The following PAFAH1B2 variants were observed in gnomAD, a reference collection of about 807,000 sequenced individuals.
PAFAH1B2 encodes the protein platelet activating factor acetylhydrolase 1b catalytic subunit 2.
PAFAH1B2 carries 8 observed loss-of-function variants against 28.0 expected under a neutral mutation model. The ratio of observed to expected loss-of-function variants is 0.29; its 90% CI spans 0.17 to 0.52. PAFAH1B2 has a LOEUF of 0.52. PAFAH1B2 is among the 20% of genes least tolerant of loss of function. The probability of loss-of-function intolerance (pLI) is 0.97; values close to 1 mark genes in which losing one functional copy is unlikely to be tolerated. For synonymous variants in PAFAH1B2, 104 were observed against 103.2 expected, an observed-to-expected ratio of 1.01 and a Z score of -0.05; for missense variants, 190 against 282.6, an observed-to-expected ratio of 0.67 and a Z score of 2.35.
At chr11:117,177,411 C>G (rs80296947), downstream of PAFAH1B2, among the ~76,000 whole-genome samples, 48 of 152,250 alleles carry the variant, frequency 3.2e-4, no homozygotes, top group East Asian at 9.1e-3. Flanking sequence ...TCAAAGATAA[C>G]TACTGCTAAA....
chr11:117,158,275 C>T (rs890600456), intron 2 of PAFAH1B2, among the ~76,000 whole-genome samples: 1 of 152,104 alleles, frequency 6.6e-6, no homozygotes, highest in African/African-American at 2.4e-5. Context: ...TGCCTGGGCT[C>T]AAGCTATCCT....
chr11:117,163,117 A>G (rs1404800027), intron 4 of PAFAH1B2, among the ~76,000 whole-genome samples: 1 of 152,168 alleles, frequency 6.6e-6, no homozygotes, highest in Non-Finnish European at 1.5e-5. Context: ...TACCACTTAA[A>G]TATTATTCCC....
At chr11:117,175,815 C>A, downstream of PAFAH1B2, 1 of 1,277,500 alleles carries the variant, frequency 7.8e-7, no homozygotes, top group Admixed American at 2.1e-5. Flanking sequence ...GCCTGTAATC[C>A]AGCTACTCGA....
chr11:117,176,329 A>G, exon 6 of PAFAH1B2: 1 of 294,200 alleles, frequency 3.4e-6, no homozygotes, highest in Non-Finnish European at 6.3e-6. Flanking sequence ...CCATTTGCCC[A>G]GCATAACTAC....
At chr11:117,153,941 T>A (rs74947929) in intron 2 of PAFAH1B2, among the ~76,000 whole-genome samples, 3 of 150,800 alleles carry the variant, frequency 2.0e-5, no homozygotes, top group East Asian at 3.9e-4. Flanking sequence ...TTTTTTTTTT[T>A]AAGACAGGGC....
chr11:117,165,341 C>T (rs1388182142), intron 5 of PAFAH1B2, among the ~76,000 whole-genome samples: 6 of 95,138 alleles, frequency 6.3e-5, no homozygotes. Context: ...CAGAGCAAAA[C>T]TCGGTCTCAA....
intron 1 of PAFAH1B2, among the ~76,000 whole-genome samples, chr11:117,149,527 C>T (rs1274872626): frequency 3.4e-5 from 5 of 146,096 alleles, no homozygotes; most frequent in African/African-American, 1.3e-4. Context: ...CCCAGGTTCA[C>T]GCCATTCTCC....
In PAFAH1B2 at chr11:117,170,308, C is replaced by G; in HGVS notation, c.*2609C>G. 1 of 1,061,620 alleles carries G rather than the reference C, an allele frequency of 9.4e-7. No individual in the cohort carries two copies. Among genetic ancestry groups the G allele is most frequent in the East Asian group, 5.1e-5 (1 of 19,798 alleles). 65.8% of individuals were successfully genotyped at this position (1,061,620 alleles called of 1,614,324 possible). On this transcript the variant is annotated 3_prime_UTR_variant, in exon 6 of 6. Coordinates refer to ENST00000527958, the MANE Select transcript of PAFAH1B2 (RefSeq NM_002572.4). ...CAGCTAGCAGAGATACTATTCTCTT[C>G]CTCTCCCAGCAAATTTGTATTCCTT...
Position 117,168,117 on chromosome 11 carries a change from T to A in PAFAH1B2, c.*418T>A, listed in dbSNP as rs1410222316. On this transcript the variant is annotated 3_prime_UTR_variant, in exon 6 of 6. Coordinates refer to ENST00000527958, the MANE Select transcript of PAFAH1B2 (RefSeq NM_002572.4). ...TGGCTTTAAAACATGTTTTCTCCAA[T>A]TTTTTTAAGGTTCATAATTTAGCCT... The A allele has an allele frequency of 2.8e-6, 3 of 1,052,742 alleles. No homozygotes were observed. The highest frequency in any genetic ancestry group is 5.3e-5 in the East Asian group (1 of 19,008). 65.2% of individuals were successfully genotyped at this position (1,052,742 alleles called of 1,614,324 possible).
chr11:117,168,787 GTTGTTTT>G lies in PAFAH1B2; in HGVS notation c.*1096_*1102del. ...ATATTTTATTTTTTTTATTGGCTTA[GTTGTTTT>G]TTGTTTTGTTTTGTTTGAGATGGAG... On this transcript the variant is annotated 3_prime_UTR_variant, in exon 6 of 6. Coordinates refer to ENST00000527958, the MANE Select transcript of PAFAH1B2 (RefSeq NM_002572.4). 3 of 984,518 alleles carry G rather than the reference GTTGTTTT, an allele frequency of 3.0e-6. No individual in the cohort carries two copies. Among genetic ancestry groups the G allele is most frequent in the Non-Finnish European group, 3.7e-6 (3 of 812,526 alleles). The allele number at this position is 984,518 out of a possible 1,614,324, so 61.0% of individuals were successfully genotyped here.
chr11:117,168,055 T>G lies in PAFAH1B2; in HGVS notation c.*356T>G, dbSNP rs1051028365. The G allele has an allele frequency of 1.9e-6, 2 of 1,062,274 alleles. No homozygotes were observed. The highest frequency in any genetic ancestry group is 3.3e-5 in the African/African-American group (2 of 60,988). 65.8% of individuals were successfully genotyped at this position (1,062,274 alleles called of 1,614,324 possible). ...ATTCTTTTCTTGGCCTTTCTGTGGA[T>G]TATGTCATATATAATAATTATCAGA... On this transcript the variant is annotated 3_prime_UTR_variant, in exon 6 of 6. Transcript: ENST00000527958.
chr11:117,176,050 C>A, exon 6 of PAFAH1B2: 1 of 851,482 alleles, frequency 1.2e-6, no homozygotes, highest in Non-Finnish European at 1.9e-6. Context: ...CCTGAGGATT[C>A]TCTGATTCAT....
At chr11:117,145,543 C>T (rs908646733) in intron 1 of PAFAH1B2, among the ~76,000 whole-genome samples, 2 of 152,190 alleles carry the variant, frequency 1.3e-5, no homozygotes, top group African/African-American at 4.8e-5. Context: ...CTTCTGGGCA[C>T]ATTGTTCTGA....
At position 117,168,463 on chromosome 11, in the gene PAFAH1B2, TTTTTTTTTG is replaced by T; in HGVS notation, c.*765_*773del. 2 of 981,226 alleles carry T rather than the reference TTTTTTTTTG, an allele frequency of 2.0e-6. No individual in the cohort carries two copies. The highest frequency in any genetic ancestry group is 1.9e-5 in the African/African-American group (1 of 52,958). The allele number at this position is 981,226 out of a possible 1,614,324, so 60.8% of individuals were successfully genotyped here. A position where few individuals can be genotyped will look rare whatever the true frequency, so the allele number is the denominator to read the frequency against. ...GCCACCCCGTTTTTTTTTTTTTTTT[TTTTTTTTTG>T]GTTCTTGTTGACATTACAAGCTTTT... On this transcript the variant is annotated 3_prime_UTR_variant, in exon 6 of 6. Coordinates refer to ENST00000527958, the MANE Select transcript of PAFAH1B2 (RefSeq NM_002572.4).
At chr11:117,172,381 TATATATATATATATA>T (rs1956680893), downstream of PAFAH1B2, among the ~76,000 whole-genome samples, 61 of 5,438 alleles carry the variant, frequency 0.011, 3 homozygotes, top group East Asian at 0.014. Flanking sequence ...TATATATATA[TATATATATATATATA>T]TATATATATT....
At chr11:117,151,708 GT>G (rs935557373) in intron 1 of PAFAH1B2, among the ~76,000 whole-genome samples, 9 of 146,782 alleles carry the variant, frequency 6.1e-5, no homozygotes, top group African/African-American at 1.5e-4. Flanking sequence ...TTCTGTAAGT[GT>G]TTTTTTTTTG....
downstream of PAFAH1B2, among the ~76,000 whole-genome samples, chr11:117,172,994 C>G (rs762743133): frequency 2.6e-5 from 4 of 152,246 alleles, no homozygotes; most frequent in Non-Finnish European, 4.4e-5. Flanking sequence ...TGAGCCACCG[C>G]GGACCCAGCC....
rs189758515 is a variant in PAFAH1B2 at position 117,144,646 on chromosome 11, C to G, written c.-8+228C>G. Among the ~76,000 whole-genome samples the G allele has an allele frequency of 4.4e-3, 663 of 152,262 alleles. 20 individuals carry two copies. Among genetic ancestry groups the G allele is most frequent in the Admixed American group, 0.041 (627 of 15,304 alleles). ...GCAGCTAGTTTTCGCTCTGAGAGCCCTTTCCCGATATTCCATACCGAAAGC... is the reference window on the plus strand; with the variant it reads ...GCAGCTAGTTTTCGCTCTGAGAGCCGTTTCCCGATATTCCATACCGAAAGC... On this transcript the variant is annotated intron_variant, in intron 1 of 5. Transcript: ENST00000527958.
At position 117,167,218 on chromosome 11, in the gene PAFAH1B2, T is replaced by G. The variant is rs544839673; in HGVS notation, c.412-203T>G. Among the ~76,000 whole-genome samples, 3 of 152,080 alleles carry G rather than the reference T, an allele frequency of 2.0e-5. No individual in the cohort carries two copies. In the South Asian group the frequency reaches 6.2e-4, roughly 32 times the overall value. ...ACAGGTCCTTGAAGAATACCAACAG[T>G]TAAGGGACAGGAGGAAGGGAACCCA... On this transcript the variant is annotated intron_variant, in intron 5 of 5. Transcript: ENST00000527958.
Sources: gnomAD v4.1 joint callset for allele counts (sites outside exome capture counted in the v4.1 genomes callset) on GRCh38, gnomAD v4.1.1 for gene constraint, MANE v1.5 for transcripts, NCBI Gene and HGNC (gene_info 2026-07-23, HGNC 2026-07-21) for gene names.